The following CNBD1 variants were observed in gnomAD, a reference collection of about 807,000 sequenced individuals.
The protein encoded by CNBD1 is cyclic nucleotide binding domain containing 1, also known as cyclic nucleotide-binding domain-containing protein 1.
CNBD1 carries 71 observed loss-of-function variants against 54.4 expected under a neutral mutation model. The ratio of observed to expected loss-of-function variants is 1.30; its 90% confidence interval spans 1.08 to 1.59. The LOEUF (loss-of-function observed/expected upper bound fraction) is 1.59, where lower values mean the gene tolerates loss of function less well. CNBD1 is among the 40% of genes most tolerant of loss of function. The probability of loss-of-function intolerance (pLI) is 0.00; values close to 1 mark genes in which losing one functional copy is unlikely to be tolerated. For synonymous variants in CNBD1, 182 were observed against 170.7 expected (o/e 1.07, Z -0.51); for missense variants, 659 against 518.0 (o/e 1.27, Z -2.64).
intron 10 of CNBD1, 70 bp from the exon 11 acceptor site, chr8:87,382,550 T>A: frequency 7.9e-7 from 1 of 1,272,306 alleles, no homozygotes; most frequent in Non-Finnish European, 1.1e-6. Flanking sequence ...GGTTCTATTC[T>A]GTAGGAAAAT....
At chr8:87,229,638 CT>C (rs1175532352) in intron 5 of CNBD1, among the ~76,000 whole-genome samples, 1 of 152,010 alleles carries the variant, frequency 6.6e-6, no homozygotes, top group Non-Finnish European at 1.5e-5. Flanking sequence ...AAATTTTATA[CT>C]TTTCTCTGAA....
In CNBD1 at chr8:86,924,500, A is replaced by AC. The variant is rs1809326213; in HGVS notation, c.273-15095dup. Among the ~76,000 whole-genome samples the AC allele has an allele frequency of 2.6e-5, 4 of 152,202 alleles. No individual in the cohort carries two copies. In the South Asian group the frequency reaches 8.3e-4, roughly 31 times the overall value. On this transcript the variant is annotated intron_variant, in intron 3 of 10. Coordinates refer to ENST00000518476, the MANE Select transcript of CNBD1 (RefSeq NM_173538.3). ...AGATTTGTAATTATCCAGGTGTGTC[A>AC]CTAATTCAGCAATGTTCTGTGGGTG...
intron 10 of CNBD1, among the ~76,000 whole-genome samples, chr8:87,377,588 T>C (rs970450020): frequency 6.6e-6 from 1 of 151,722 alleles, no homozygotes; most frequent in African/African-American, 2.4e-5. Flanking sequence ...GTCTTTGCTA[T>C]CGTGAATAAT....
chr8:87,136,319 A>G (rs1812225131), intron 4 of CNBD1, among the ~76,000 whole-genome samples: 1 of 151,222 alleles, frequency 6.6e-6, no homozygotes, highest in Non-Finnish European at 1.5e-5. Context: ...AAGGCAAAAT[A>G]CTAATATGAA....
At position 87,271,836 on chromosome 8, in the gene CNBD1, C is replaced by G. The variant is rs546233518; in HGVS notation, c.772-12842C>G. On this transcript the variant is annotated intron_variant, in intron 6 of 10. Transcript: ENST00000518476. ...CTTATTGCAGCACTATTCACAGTAG[C>G]CCAGATACAGAAGCAACCTAAGTGT... 7.9e-4 allele frequency among the ~76,000 whole-genome samples: 118 copies of G among 149,680 alleles called. 2 individuals are homozygous for G. The South Asian group carries it at 0.023, about 29-fold the overall frequency.
Position 87,318,861 on chromosome 8 carries a change from CT to C in CNBD1, c.1042+32193del, listed in dbSNP as rs544404819. Among the ~76,000 whole-genome samples the C allele has an allele frequency of 1.4e-4, 22 of 152,160 alleles. No individual in the cohort carries two copies. The East Asian group carries it at 4.1e-3, about 28-fold the overall frequency. ...GATATGAATCACACCTTAGCATACTCTTTCTTTGGAAGTAGCATCTTAACAC... is the reference window on the plus strand; with the variant it reads ...GATATGAATCACACCTTAGCATACTCTTCTTTGGAAGTAGCATCTTAACAC... On this transcript the variant is annotated intron_variant, in intron 8 of 10. Coordinates refer to ENST00000518476, the MANE Select transcript of CNBD1 (RefSeq NM_173538.3).
intron 2 of CNBD1, among the ~76,000 whole-genome samples, chr8:86,890,106 A>C (rs1281294987): frequency 6.6e-6 from 1 of 152,100 alleles, no homozygotes; most frequent in African/African-American, 2.4e-5. Context: ...GTGATGAGAC[A>C]TTTGAAATTT....
intron 4 of CNBD1, among the ~76,000 whole-genome samples, chr8:87,194,168 C>T (rs1312077630): frequency 1.3e-5 from 2 of 152,160 alleles, no homozygotes; most frequent in African/African-American, 2.4e-5. Context: ...AAAATGGTCT[C>T]CACTAAACCA....
chr8:87,376,449 A>G (rs920997519), intron 10 of CNBD1, among the ~76,000 whole-genome samples: 5 of 151,912 alleles, frequency 3.3e-5, no homozygotes, highest in Non-Finnish European at 5.9e-5. Flanking sequence ...ATTTCAACCT[A>G]TGAATTTTTG....
downstream of CNBD1, among the ~76,000 whole-genome samples, chr8:87,384,788 A>C (rs1000126753): frequency 6.6e-6 from 1 of 152,190 alleles, no homozygotes; most frequent in Non-Finnish European, 1.5e-5. Flanking sequence ...AAGATAGAAC[A>C]ATATAGGTAG....
chr8:87,217,655 A>C (rs1008681639), intron 5 of CNBD1, among the ~76,000 whole-genome samples: 1 of 151,928 alleles, frequency 6.6e-6, no homozygotes, highest in Non-Finnish European at 1.5e-5. Flanking sequence ...TGGAGAGAAA[A>C]AAGTTTGACT....
At chr8:87,045,499 G>T (rs1384892491) in intron 4 of CNBD1, among the ~76,000 whole-genome samples, 2 of 152,020 alleles carry the variant, frequency 1.3e-5, no homozygotes, top group African/African-American at 4.8e-5. Context: ...GCGGAGGCGG[G>T]CGGATCACGA....
chr8:87,055,434 C>T (rs566709784), intron 4 of CNBD1, among the ~76,000 whole-genome samples: 1 of 141,028 alleles, frequency 7.1e-6, no homozygotes, highest in Non-Finnish European at 1.5e-5. Context: ...TTAGGTAAGT[C>T]CCCCCCTTCC....
At chr8:86,957,746 G>T (rs1330384691) in intron 4 of CNBD1, among the ~76,000 whole-genome samples, 1 of 152,034 alleles carries the variant, frequency 6.6e-6, no homozygotes, top group Non-Finnish European at 1.5e-5. Context: ...TTTTCTAGCA[G>T]TCTATCAATT....
At chr8:87,208,842 A>G (rs1814032664) in intron 5 of CNBD1, among the ~76,000 whole-genome samples, 1 of 150,824 alleles carries the variant, frequency 6.6e-6, no homozygotes, top group African/African-American at 2.4e-5. Context: ...TATCTCAAAA[A>G]CTCCGTAATT....
At chr8:87,107,327 T>C (rs532947267) in intron 4 of CNBD1, among the ~76,000 whole-genome samples, 64 of 152,286 alleles carry the variant, frequency 4.2e-4, no homozygotes, top group African/African-American at 1.5e-3. Context: ...GCTCCGTAGG[T>C]TCTAGTAACG....
intron 1 of CNBD1, among the ~76,000 whole-genome samples, chr8:86,884,884 A>G (rs1010461252): frequency 2.0e-5 from 3 of 152,170 alleles, no homozygotes; most frequent in African/African-American, 7.2e-5. Context: ...CTTTGAAGCC[A>G]TTTTACACTG....
chr8:87,310,242 G>A (rs1809236928), intron 8 of CNBD1, among the ~76,000 whole-genome samples: 3 of 151,974 alleles, frequency 2.0e-5, no homozygotes, highest in African/African-American at 4.8e-5. Flanking sequence ...TATAGTCCCA[G>A]CACTCAGGAA....
At chr8:87,282,783 A>G (rs1808622466) in intron 6 of CNBD1, among the ~76,000 whole-genome samples, 1 of 152,056 alleles carries the variant, frequency 6.6e-6, no homozygotes, top group Non-Finnish European at 1.5e-5. Flanking sequence ...CCCTAAAACA[A>G]TAGATAAATT....
Sources: allele counts gnomAD v4.1 joint callset (sites outside exome capture counted in the v4.1 genomes callset), GRCh38; gene constraint gnomAD v4.1.1; transcripts MANE v1.5; gene names NCBI Gene and HGNC (gene_info 2026-07-23, HGNC 2026-07-21).